SYN2: variants seen among roughly 807,000 people sequenced by gnomAD.
The protein encoded by SYN2 is synapsin-2.
A neutral mutation model predicts 50.9 loss-of-function variants in SYN2; 19 were observed. The observed-to-expected ratio is 0.37, with a 90% CI of 0.26 to 0.55. The LOEUF is 0.55. Among genes scored for constraint, SYN2 ranks in the 20% least tolerant of loss-of-function variants. The probability of loss-of-function intolerance (pLI) is 0.81; values close to 1 mark genes in which losing one functional copy is unlikely to be tolerated. For missense variants in SYN2, 587 were observed against 576.4 expected (o/e 1.02, Z -0.19); for synonymous variants, 255 against 224.9 (o/e 1.13, Z -1.20).
chr3:12,129,795 G>A (rs1252426358), intron 1 of SYN2, among the ~76,000 whole-genome samples: 10 of 152,258 alleles, frequency 6.6e-5, no homozygotes, highest in Admixed American at 3.3e-4. Flanking sequence ...GTTATGGGCT[G>A]AATGTTTGTG....
intron 1 of SYN2, among the ~76,000 whole-genome samples, chr3:12,126,760 G>A (rs921801675): frequency 2.0e-5 from 3 of 152,116 alleles, no homozygotes; most frequent in African/African-American, 7.2e-5. Context: ...TTCATTATGA[G>A]GATTAATTCA....
At chr3:12,009,054 C>G (rs1425731721) in intron 1 of SYN2, among the ~76,000 whole-genome samples, 1 of 152,160 alleles carries the variant, frequency 6.6e-6, no homozygotes, top group Non-Finnish European at 1.5e-5. Context: ...TGAATTTGAA[C>G]TTGAAAGAAC....
At chr3:12,156,521 T>C (rs145776915) in intron 5 of SYN2, among the ~76,000 whole-genome samples, 20 of 152,330 alleles carry the variant, frequency 1.3e-4, no homozygotes, top group Non-Finnish European at 2.1e-4. Context: ...AAAAATCTTA[T>C]ACTAATTTAA....
intron 4 of SYN2, among the ~76,000 whole-genome samples, chr3:12,148,239 G>T (rs1697198003): frequency 6.6e-6 from 1 of 152,188 alleles, no homozygotes; most frequent in Non-Finnish European, 1.5e-5. Flanking sequence ...TCTGGTGAGG[G>T]GTCACACTCT....
chr3:12,049,321 C>G (rs781281499), intron 1 of SYN2, among the ~76,000 whole-genome samples: 1 of 151,882 alleles, frequency 6.6e-6, no homozygotes, highest in Non-Finnish European at 1.5e-5. Flanking sequence ...GAGTTCAAGA[C>G]CAGCCTGGTC....
At chr3:12,167,393 C>A in intron 8 of SYN2, 85 bp downstream of exon 8, 1 of 1,392,278 alleles carries the variant, frequency 7.2e-7, no homozygotes, top group Non-Finnish European at 1.0e-6. Flanking sequence ...AAGCTCTGTC[C>A]AAAGGGAGTC....
At chr3:12,127,542 A>G (rs1696697001) in intron 1 of SYN2, among the ~76,000 whole-genome samples, 1 of 152,204 alleles carries the variant, frequency 6.6e-6, no homozygotes, top group Non-Finnish European at 1.5e-5. Flanking sequence ...CTTCCAGAAC[A>G]GTGCCAGTTC....
chr3:12,122,959 A>T (rs1481012678), intron 1 of SYN2, among the ~76,000 whole-genome samples: 6 of 152,228 alleles, frequency 3.9e-5, no homozygotes, highest in Non-Finnish European at 7.3e-5. Context: ...AATAAAAAAT[A>T]AAAGCATTGC....
At chr3:12,058,750 A>C (rs555183379) in intron 1 of SYN2, among the ~76,000 whole-genome samples, 1 of 152,348 alleles carries the variant, frequency 6.6e-6, no homozygotes, top group African/African-American at 2.4e-5. Flanking sequence ...TAGTCAAAAG[A>C]TTCTGTTAGA....
At chr3:12,072,184 T>C (rs1261037568) in intron 1 of SYN2, among the ~76,000 whole-genome samples, 1 of 152,212 alleles carries the variant, frequency 6.6e-6, no homozygotes, top group Non-Finnish European at 1.5e-5. Flanking sequence ...TAGAATTCGG[T>C]TGTCTTTTTA....
chr3:12,104,539 A>G (rs540832332), intron 1 of SYN2, among the ~76,000 whole-genome samples: 1 of 151,014 alleles, frequency 6.6e-6, no homozygotes, highest in East Asian at 1.9e-4. Context: ...CCTCCGTTTT[A>G]AGTACATGTG....
chr3:12,083,004 A>G (rs1695614084), intron 1 of SYN2, among the ~76,000 whole-genome samples: 1 of 152,010 alleles, frequency 6.6e-6, no homozygotes. Flanking sequence ...GTAATATTTA[A>G]CCATTCTTCT....
intron 1 of SYN2, among the ~76,000 whole-genome samples, chr3:12,072,835 C>T (rs903203296): frequency 2.0e-5 from 3 of 152,076 alleles, no homozygotes; most frequent in Admixed American, 1.3e-4. Context: ...TCTCTGCCCA[C>T]GGGCTTGATC....
chr3:12,056,285 A>G (rs1481066633), intron 1 of SYN2, among the ~76,000 whole-genome samples: 2 of 152,034 alleles, frequency 1.3e-5, no homozygotes, highest in Non-Finnish European at 2.9e-5. Context: ...TTTGCGGGGA[A>G]GGAGGGGGTC....
chr3:12,156,641 A>T (rs1697465073), intron 5 of SYN2, among the ~76,000 whole-genome samples: 1 of 152,208 alleles, frequency 6.6e-6, no homozygotes, highest in Admixed American at 6.5e-5. Context: ...ATTTAAAGGG[A>T]GGTTACAAGG....
chr3:12,063,840 G>A (rs1045812051), intron 1 of SYN2, among the ~76,000 whole-genome samples: 33 of 151,864 alleles, frequency 2.2e-4, no homozygotes, highest in Admixed American at 1.2e-3. Flanking sequence ...TGATTAAAGG[G>A]AGAAGAGGAA....
chr3:12,035,020 G>A (rs1694466702), intron 1 of SYN2, among the ~76,000 whole-genome samples: 1 of 152,160 alleles, frequency 6.6e-6, no homozygotes, highest in Non-Finnish European at 1.5e-5. Flanking sequence ...CTGTGAAATC[G>A]AAACAGGTTG....
intron 1 of SYN2, among the ~76,000 whole-genome samples, chr3:12,073,339 G>A (rs1391778826): frequency 2.0e-5 from 3 of 152,122 alleles, no homozygotes; most frequent in African/African-American, 7.2e-5. Flanking sequence ...AGAGGCCTAA[G>A]TGCTTCTTAA....
chr3:12,166,655 C>G (rs915912173), intron 7 of SYN2, among the ~76,000 whole-genome samples: 7 of 152,150 alleles, frequency 4.6e-5, no homozygotes, highest in African/African-American at 1.7e-4. Context: ...AGTCACATTG[C>G]TAATATTATA....
Sources: gnomAD v4.1 joint callset for allele counts (sites outside exome capture counted in the v4.1 genomes callset) on GRCh38, gnomAD v4.1.1 for gene constraint, MANE v1.5 for transcripts, NCBI Gene and HGNC (gene_info 2026-07-23, HGNC 2026-07-21) for gene names.